SGCD: variants seen among roughly 807,000 people sequenced by gnomAD.
The protein encoded by SGCD is sarcoglycan delta.
A neutral mutation model predicts 36.6 loss-of-function variants in SGCD; 18 were observed. That is an observed-to-expected ratio of 0.49 (90% CI 0.34 to 0.73). SGCD has a LOEUF of 0.73. Among genes scored for constraint, SGCD ranks in the 30% least tolerant of loss-of-function variants. The pLI, the probability that SGCD is intolerant of heterozygous loss-of-function variation, is 0.01. For missense variants in SGCD, 387 were observed against 346.7 expected, an observed-to-expected ratio of 1.12 and a Z score of -0.92; for synonymous variants, 133 against 130.6, an observed-to-expected ratio of 1.02 and a Z score of -0.12.
intron 6 of SGCD, among the ~76,000 whole-genome samples, chr5:156,637,053 G>A (rs1357382943): frequency 6.6e-6 from 1 of 152,118 alleles, no homozygotes; most frequent in Non-Finnish European, 1.5e-5. Context: ...ACCACCTGCT[G>A]TGGGAGGGAC....
At chr5:155,908,260 G>T (rs1756563710) in intron 1 of SGCD, among the ~76,000 whole-genome samples, 1 of 152,006 alleles carries the variant, frequency 6.6e-6, no homozygotes, top group Non-Finnish European at 1.5e-5. Context: ...TTATTGTGGT[G>T]GTCTGGAATG....
At chr5:156,533,237 T>C (rs1757961819) in intron 4 of SGCD, among the ~76,000 whole-genome samples, 1 of 152,182 alleles carries the variant, frequency 6.6e-6, no homozygotes, top group East Asian at 1.9e-4. Flanking sequence ...CACAGTTTCC[T>C]ATGGAGTCCA....
intron 4 of SGCD, among the ~76,000 whole-genome samples, chr5:156,558,276 G>A (rs1229822664): frequency 6.6e-6 from 1 of 151,452 alleles, no homozygotes; most frequent in Non-Finnish European, 1.5e-5. Context: ...TCCTTACCTG[G>A]AAATAGCAAT....
the SGCD span, among the ~76,000 whole-genome samples, chr5:155,757,285 T>C: frequency 6.6e-5 from 10 of 152,208 alleles, no homozygotes; most frequent in Non-Finnish European, 1.2e-4. Context: ...ATAAGTACTA[T>C]ATGGCAGGTA....
intron 7 of SGCD, among the ~76,000 whole-genome samples, chr5:156,671,625 A>T (rs1479828301): frequency 6.6e-6 from 1 of 152,152 alleles, no homozygotes; most frequent in Non-Finnish European, 1.5e-5. Context: ...AGTTTTGTGT[A>T]CATAGATGGG....
chr5:156,188,668 GC>G (rs869072010), intron 3 of SGCD, among the ~76,000 whole-genome samples: 6 of 90,338 alleles, frequency 6.6e-5, no homozygotes, highest in South Asian at 3.8e-4. Flanking sequence ...CACCCCAACC[GC>G]CCCCCCCGAC....
intron 3 of SGCD, among the ~76,000 whole-genome samples, chr5:156,451,904 ACTG>A (rs1754036944): frequency 6.6e-6 from 1 of 152,178 alleles, no homozygotes; most frequent in Non-Finnish European, 1.5e-5. Context: ...TGTGCCAGAT[ACTG>A]CTCAAGACTC....
chr5:156,691,426 G>A (rs1298185275), intron 7 of SGCD, among the ~76,000 whole-genome samples: 3 of 152,070 alleles, frequency 2.0e-5, no homozygotes, highest in South Asian at 2.1e-4. Flanking sequence ...GCTCCCTTGT[G>A]CAGAGGTGAA....
rs552428320 is a variant in SGCD, at chr5:155,935,015, G to A, written c.-282+64591G>A. 3.3e-5 allele frequency among the ~76,000 whole-genome samples: 5 copies of A among 152,294 alleles called. No homozygotes were observed. In the East Asian group the frequency reaches 9.7e-4, roughly 29 times the overall value. ...CAAGCTGTTGTGTCCAATGCTTGGG[G>A]ATGGTGGCAGCAGTGATGTCCTCAG... On this transcript the variant is annotated intron_variant, in intron 1 of 9. Coordinates refer to the SGCD transcript ENST00000517913.
At chr5:155,763,131 A>G in the SGCD span, among the ~76,000 whole-genome samples, 1 of 152,096 alleles carries the variant, frequency 6.6e-6, no homozygotes, top group Non-Finnish European at 1.5e-5. Context: ...TGTTATTGGG[A>G]TTAAAACCAT....
At chr5:155,820,348 C>T in the SGCD span, among the ~76,000 whole-genome samples, 8,101 of 152,064 alleles carry the variant, frequency 0.053, 489 homozygotes, top group African/African-American at 0.15. Context: ...TAGAGGTGAT[C>T]AGGTGATCAA....
intron 7 of SGCD, among the ~76,000 whole-genome samples, chr5:156,721,488 C>G (rs1183569888): frequency 1.3e-5 from 2 of 152,104 alleles, no homozygotes. Flanking sequence ...GGCACTGGAC[C>G]GTTCAGTTTT....
chr5:155,914,304 C>T (rs1261984088), intron 1 of SGCD, among the ~76,000 whole-genome samples: 1 of 152,158 alleles, frequency 6.6e-6, no homozygotes, highest in African/African-American at 2.4e-5. Flanking sequence ...TGCCTCCCAG[C>T]ATCTAGTGTT....
intron 1 of SGCD, among the ~76,000 whole-genome samples, chr5:155,962,907 C>A (rs1275082012): frequency 1.3e-5 from 2 of 152,108 alleles, no homozygotes; most frequent in South Asian, 4.1e-4. Context: ...GCCCTCATTT[C>A]GGCAACTCTG....
chr5:156,126,508 G>A (rs1762175513), intron 3 of SGCD, among the ~76,000 whole-genome samples: 2 of 152,172 alleles, frequency 1.3e-5, no homozygotes, highest in Non-Finnish European at 2.9e-5. Flanking sequence ...CTGTTTTGCT[G>A]TGCATGTTCA....
intron 4 of SGCD, among the ~76,000 whole-genome samples, chr5:156,537,303 C>A (rs1293996306): frequency 6.6e-6 from 1 of 152,026 alleles, no homozygotes; most frequent in Non-Finnish European, 1.5e-5. Flanking sequence ...GGAGTCTAGT[C>A]TCTCTCTGAA....
At chr5:155,795,701 G>T in the SGCD span, among the ~76,000 whole-genome samples, 2 of 151,936 alleles carry the variant, frequency 1.3e-5, no homozygotes, top group Admixed American at 1.3e-4. Context: ...ATAATTAAAA[G>T]ACTAAAATTG....
chr5:156,507,798 G>A (rs1756765752), intron 3 of SGCD, among the ~76,000 whole-genome samples: 8 of 152,136 alleles, frequency 5.3e-5, no homozygotes, highest in Admixed American at 5.2e-4. Flanking sequence ...GAAATTTTAG[G>A]AACTGGCCTA....
At chr5:156,683,137 T>C (rs1753783168) in intron 7 of SGCD, among the ~76,000 whole-genome samples, 1 of 152,214 alleles carries the variant, frequency 6.6e-6, no homozygotes, top group Non-Finnish European at 1.5e-5. Flanking sequence ...GTCCGAGATA[T>C]ATAGATGTTT....
Sources: gnomAD v4.1 joint callset for allele counts (sites outside exome capture counted in the v4.1 genomes callset) on GRCh38, gnomAD v4.1.1 for gene constraint, MANE v1.5 for transcripts, NCBI Gene and HGNC (gene_info 2026-07-23, HGNC 2026-07-21) for gene names.